Variants in SNX10 observed in about 807,000 individuals in gnomAD.
SNX10 encodes sorting nexin-10.
In SNX10, 25 loss-of-function variants were observed where a neutral mutation model predicts 28.5. That is an observed-to-expected ratio of 0.88 (90% CI 0.64 to 1.22). The LOEUF (loss-of-function observed/expected upper bound fraction) is 1.22. SNX10 is among the 50% of genes most tolerant of loss of function. The pLI, the probability that SNX10 is intolerant of heterozygous loss-of-function variation, is 0.00. For synonymous variants in SNX10, 62 were observed against 81.4 expected, an observed-to-expected ratio of 0.76 and a Z score of 1.28; for missense variants, 223 against 242.6, an observed-to-expected ratio of 0.92 and a Z score of 0.54.
intron 1 of SNX10, among the ~76,000 whole-genome samples, chr7:26,313,026 A>C (rs928044674): frequency 3.3e-5 from 5 of 152,208 alleles, no homozygotes; most frequent in African/African-American, 4.8e-5. Flanking sequence ...TGATCCAGCA[A>C]TTCCACTTAC....
At chr7:26,310,183 C>T (rs373083729) in intron 1 of SNX10, among the ~76,000 whole-genome samples, 2 of 152,150 alleles carry the variant, frequency 1.3e-5, no homozygotes, top group African/African-American at 2.4e-5. Context: ...TGGGCTGGCC[C>T]GAGAGGCGGG....
In SNX10 at chr7:26,309,952, G is replaced by A. The variant is rs145388810; in HGVS notation, c.-24+17866G>A. ...ATAATACATGTTGCAAGCTTTGCAC[G>A]GTGTCTGGGACATAGTAAACAATTT... On this transcript the variant is annotated intron_variant, in intron 1 of 6. Transcript: ENST00000338523. 8.5e-5 allele frequency among the ~76,000 whole-genome samples: 13 copies of A among 152,292 alleles called. No homozygotes were observed. In the East Asian group the frequency reaches 1.7e-3, roughly 20 times the overall value.
intron 2 of SNX10, among the ~76,000 whole-genome samples, chr7:26,351,846 C>T (rs375300674): frequency 1.8e-4 from 25 of 141,874 alleles, no homozygotes; most frequent in Non-Finnish European, 3.6e-4. Flanking sequence ...TTAGTAGAGG[C>T]GGGGTTTCAC....
At chr7:26,343,622 C>T (rs762922166) in intron 1 of SNX10, among the ~76,000 whole-genome samples, 14 of 152,152 alleles carry the variant, frequency 9.2e-5, no homozygotes, top group Non-Finnish European at 2.1e-4. Flanking sequence ...TGTGCAGAAT[C>T]CTGGCAGAGT....
In SNX10 at chr7:26,342,535, A is replaced by C. The variant is rs73285226; in HGVS notation, c.-23-3885A>C. Among the ~76,000 whole-genome samples, 1,254 of 152,338 alleles carry C rather than the reference A, an allele frequency of 8.2e-3. 18 individuals carry two copies. Among genetic ancestry groups the C allele is most frequent in the African/African-American group, 0.028 (1,182 of 41,564 alleles). ...TTGAATTTGCTATTTATTTTACATG[A>C]AATAAAAATAATTTATGTTAAAATT... is the stretch of plus-strand genomic sequence containing the variant. On this transcript the variant is annotated intron_variant, in intron 1 of 6. Coordinates refer to ENST00000338523, the MANE Select transcript of SNX10 (RefSeq NM_013322.3).
At chr7:26,346,103 C>A (rs1042208838) in intron 1 of SNX10, among the ~76,000 whole-genome samples, 2 of 152,190 alleles carry the variant, frequency 1.3e-5, no homozygotes, top group Non-Finnish European at 2.9e-5. Context: ...TTCTGCTCCC[C>A]GGCATCTCCA....
intron 2 of SNX10, among the ~76,000 whole-genome samples, chr7:26,356,479 G>C (rs1046426146): frequency 6.6e-6 from 1 of 152,192 alleles, no homozygotes; most frequent in African/African-American, 2.4e-5. Context: ...CGTGAGGGAT[G>C]CGTCTAATTA....
chr7:26,317,358 T>A (rs753488666), intron 1 of SNX10, among the ~76,000 whole-genome samples: 29 of 152,124 alleles, frequency 1.9e-4, no homozygotes, highest in Non-Finnish European at 3.8e-4. Flanking sequence ...GGTCACTTTG[T>A]GGTGATGACC....
chr7:26,331,928 A>G (rs1787764813), intron 1 of SNX10, among the ~76,000 whole-genome samples: 3 of 152,236 alleles, frequency 2.0e-5, no homozygotes, highest in Admixed American at 6.5e-5. Context: ...AAGTTGTAAC[A>G]TGTATCAGAA....
At chr7:26,371,319 A>T (rs1009467097) in intron 5 of SNX10, among the ~76,000 whole-genome samples, 1 of 152,174 alleles carries the variant, frequency 6.6e-6, no homozygotes, top group African/African-American at 2.4e-5. Flanking sequence ...TGTCGTAAAC[A>T]TGCCCTTAAG....
intron 1 of SNX10, among the ~76,000 whole-genome samples, chr7:26,317,993 T>C (rs1787157227): frequency 6.6e-6 from 1 of 152,078 alleles, no homozygotes; most frequent in African/African-American, 2.4e-5. Flanking sequence ...CCAAATGTCT[T>C]CGGCATCTAG....
intron 1 of SNX10, among the ~76,000 whole-genome samples, chr7:26,316,739 C>T (rs911342045): frequency 6.6e-6 from 1 of 152,158 alleles, no homozygotes; most frequent in Non-Finnish European, 1.5e-5. Context: ...GGTCACTTAG[C>T]AGGATTTGAG....
intron 1 of SNX10, among the ~76,000 whole-genome samples, chr7:26,316,235 C>G (rs1471933811): frequency 6.6e-6 from 1 of 151,650 alleles, no homozygotes; most frequent in Non-Finnish European, 1.5e-5. Context: ...ATCTCATTTC[C>G]TTGCAGCAGA....
At chr7:26,370,789 T>C (rs1237240816) in intron 5 of SNX10, 2 of 152,206 alleles carry the variant, frequency 1.3e-5, no homozygotes, top group Non-Finnish European at 2.9e-5. Context: ...GGAAAAATCT[T>C]ATGTTGGACA....
intron 1 of SNX10, among the ~76,000 whole-genome samples, chr7:26,344,969 C>T (rs1286702767): frequency 6.6e-6 from 1 of 152,216 alleles, no homozygotes; most frequent in Non-Finnish European, 1.5e-5. Context: ...CGCCTTGCTT[C>T]TTCCAGCCCC....
chr7:26,307,604 A>C (rs1198081022), intron 1 of SNX10, among the ~76,000 whole-genome samples: 1 of 151,186 alleles, frequency 6.6e-6, no homozygotes, highest in Non-Finnish European at 1.5e-5. Flanking sequence ...CGTGCCATGA[A>C]ACCCAGCTAA....
intron 1 of SNX10, among the ~76,000 whole-genome samples, chr7:26,345,107 C>T (rs1788332189): frequency 6.6e-6 from 1 of 152,236 alleles, no homozygotes; most frequent in South Asian, 2.1e-4. Context: ...TCACTCCAGT[C>T]ATCCAGGATG....
At chr7:26,295,845 A>T (rs916091074) in intron 1 of SNX10, among the ~76,000 whole-genome samples, 5 of 152,256 alleles carry the variant, frequency 3.3e-5, no homozygotes, top group Admixed American at 2.0e-4. Flanking sequence ...GAGCCAGGAA[A>T]AGAAAAGCTG....
At chr7:26,348,763 A>G (rs1001893630) in intron 2 of SNX10, among the ~76,000 whole-genome samples, 1 of 152,174 alleles carries the variant, frequency 6.6e-6, no homozygotes, top group Non-Finnish European at 1.5e-5. Flanking sequence ...CTACCACTCC[A>G]GTGCACTTCT....
Sources: allele counts gnomAD v4.1 joint callset (sites outside exome capture counted in the v4.1 genomes callset), GRCh38; gene constraint gnomAD v4.1.1; transcripts MANE v1.5; gene names NCBI Gene and HGNC (gene_info 2026-07-23, HGNC 2026-07-21).